HELLS: variants seen among roughly 807,000 people sequenced by gnomAD.
The protein encoded by HELLS is helicase, lymphoid specific.
In HELLS, 32 loss-of-function variants were observed where a neutral mutation model predicts 120.0. The observed-to-expected ratio is 0.27, with a 90% CI of 0.20 to 0.36. HELLS has a LOEUF of 0.36. Among genes scored for constraint, HELLS ranks in the 10% least tolerant of loss-of-function variants. The pLI is 1.00. For synonymous variants in HELLS, 341 were observed against 323.4 expected, an observed-to-expected ratio of 1.05 and a Z score of -0.58; for missense variants, 650 against 993.4, an observed-to-expected ratio of 0.65 and a Z score of 4.65.
intron 15 of HELLS, among the ~76,000 whole-genome samples, chr10:94,591,640 G>A (rs1845496003): frequency 6.6e-6 from 1 of 152,134 alleles, no homozygotes; most frequent in Non-Finnish European, 1.5e-5. Context: ...TAAAAAGTTT[G>A]CTGCCGCTGC....
chr10:94,595,241 T>A (rs776766803), intron 19 of HELLS, among the ~76,000 whole-genome samples: 7 of 151,024 alleles, frequency 4.6e-5, no homozygotes, highest in African/African-American at 1.7e-4. Context: ...AAAAAAAATA[T>A]TAACAGCCTG....
chr10:94,560,696 C>A (rs376284857), intron 4 of HELLS, among the ~76,000 whole-genome samples: 45 of 151,280 alleles, frequency 3.0e-4, no homozygotes, highest in African/African-American at 1.0e-3. Flanking sequence ...GACTCTGTTC[C>A]TAAATAAATA....
intron 21 of HELLS, among the ~76,000 whole-genome samples, 172 bp downstream of exon 21, chr10:94,597,283 A>T (rs1159834455): frequency 1.3e-5 from 2 of 152,178 alleles, no homozygotes; most frequent in Non-Finnish European, 2.9e-5. Context: ...TTGCCCATAA[A>T]TGTCATTATC....
At chr10:94,575,763 G>GA (rs1484870892) in intron 9 of HELLS, among the ~76,000 whole-genome samples, 2 of 93,764 alleles carry the variant, frequency 2.1e-5, no homozygotes, top group East Asian at 7.3e-4. Flanking sequence ...TTGGGGGGGG[G>GA]GTTGTGTTTG....
At chr10:94,603,082 G>A (rs1369309146), downstream of HELLS, among the ~76,000 whole-genome samples, 3 of 152,140 alleles carry the variant, frequency 2.0e-5, no homozygotes, top group African/African-American at 4.8e-5. Context: ...TAGCATCTGT[G>A]CCCATCTGTC....
At chr10:94,573,623 C>T (rs547663631) in intron 7 of HELLS, among the ~76,000 whole-genome samples, 138 of 152,040 alleles carry the variant, frequency 9.1e-4, no homozygotes, top group African/African-American at 1.9e-3. Flanking sequence ...CAACCACACC[C>T]AGCTAATTTT....
intron 21 of HELLS, among the ~76,000 whole-genome samples, chr10:94,597,729 C>T (rs1455502805): frequency 2.6e-5 from 4 of 152,080 alleles, no homozygotes; most frequent in South Asian, 2.1e-4. Flanking sequence ...GACAGGGTTT[C>T]GCCATGTTGG....
intron 12 of HELLS, among the ~76,000 whole-genome samples, 183 bp from the exon 13 acceptor site, chr10:94,588,046 G>A (rs946756104): frequency 6.6e-6 from 1 of 152,132 alleles, no homozygotes; most frequent in Non-Finnish European, 1.5e-5. Flanking sequence ...AAATGCTGCG[G>A]ACAACTGTGA....
intron 2 of HELLS, among the ~76,000 whole-genome samples, chr10:94,552,096 T>G (rs1039835143): frequency 1.3e-5 from 2 of 152,014 alleles, no homozygotes; most frequent in Non-Finnish European, 2.9e-5. Flanking sequence ...CCTCTTAAGT[T>G]GAAACCACCA....
chr10:94,586,946 C>T (rs571279807), intron 12 of HELLS, among the ~76,000 whole-genome samples: 6 of 152,034 alleles, frequency 3.9e-5, no homozygotes, highest in African/African-American at 1.4e-4. Flanking sequence ...CTGCTCGCCT[C>T]GGCTTCCCAA....
In HELLS at chr10:94,563,808, CTTTTT is replaced by C. The variant is rs10623208; in HGVS notation, c.435+944_435+948del. Among the ~76,000 whole-genome samples, 45 of 136,390 alleles carry C rather than the reference CTTTTT, an allele frequency of 3.3e-4. 1 individual carries two copies. The highest frequency in any genetic ancestry group is 3.0e-4 in the Admixed American group (4 of 13,436). The allele number at this position is 136,390 out of a possible 152,430, so 89.5% of individuals were successfully genotyped here. A position where few individuals can be genotyped will look rare whatever the true frequency, so the allele number is the denominator to read the frequency against. On this transcript the variant is annotated intron_variant, in intron 6 of 21. Coordinates refer to ENST00000348459, the MANE Select transcript of HELLS (RefSeq NM_018063.5). ...CCCAGCTTTTTGTTGGTTTTCTTTTCTTTTTTTTTTTTTTTTGATGAGACGGAGAT... is the reference window on the plus strand; with the variant it reads ...CCCAGCTTTTTGTTGGTTTTCTTTTCTTTTTTTTTTTGATGAGACGGAGAT...
intron 13 of HELLS, among the ~76,000 whole-genome samples, chr10:94,589,128 G>C (rs3758522): frequency 6.6e-6 from 1 of 151,956 alleles, no homozygotes; most frequent in African/African-American, 2.4e-5. Flanking sequence ...AGCCTGGGCA[G>C]CAAGAGCGAA....
chr10:94,583,392 G>A (rs1434269760), intron 12 of HELLS, among the ~76,000 whole-genome samples: 1 of 152,088 alleles, frequency 6.6e-6, no homozygotes, highest in African/African-American at 2.4e-5. Flanking sequence ...CATGGCTGCT[G>A]TCTAATCTAT....
chr10:94,552,786 A>G (rs1418996079), intron 2 of HELLS, among the ~76,000 whole-genome samples: 1 of 150,442 alleles, frequency 6.6e-6, no homozygotes, highest in Non-Finnish European at 1.5e-5. Flanking sequence ...TGCCTTAGCA[A>G]TATGGTGAAA....
intron 2 of HELLS, among the ~76,000 whole-genome samples, chr10:94,549,641 A>C (rs1160306450): frequency 6.6e-6 from 1 of 152,158 alleles, no homozygotes; most frequent in East Asian, 1.9e-4. Flanking sequence ...ATAATGGGGT[A>C]GATAATGAGG....
intron 10 of HELLS, among the ~76,000 whole-genome samples, chr10:94,580,211 G>T (rs1844800140): frequency 1.8e-5 from 2 of 112,266 alleles, no homozygotes; most frequent in East Asian, 2.7e-4. Context: ...TTTTGAGACA[G>T]TCTCACTCTG....
At chr10:94,556,582 T>TTA in intron 3 of HELLS, among the ~76,000 whole-genome samples, 2 of 152,266 alleles carry the variant, frequency 1.3e-5, no homozygotes, top group Middle Eastern at 6.8e-3. Flanking sequence ...AAAAAATTCT[T>TTA]TCTGCTTATT....
At chr10:94,580,968 G>C (rs1844839914) in intron 10 of HELLS, among the ~76,000 whole-genome samples, 1 of 152,108 alleles carries the variant, frequency 6.6e-6, no homozygotes, top group Non-Finnish European at 1.5e-5. Flanking sequence ...ACTAATAAAA[G>C]CTCAATTTTT....
intron 9 of HELLS, among the ~76,000 whole-genome samples, chr10:94,608,812 T>C (rs1564624542): frequency 6.6e-6 from 1 of 151,772 alleles, no homozygotes; most frequent in Non-Finnish European, 1.5e-5. Context: ...AGAATTGAGG[T>C]GTTTTTTTAA....
Sources: allele counts gnomAD v4.1 joint callset (sites outside exome capture counted in the v4.1 genomes callset), GRCh38; gene constraint gnomAD v4.1.1; transcripts MANE v1.5; gene names NCBI Gene and HGNC (gene_info 2026-07-23, HGNC 2026-07-21).